The following ARHGEF11 variants were observed in gnomAD, a reference collection of about 807,000 sequenced individuals.
ARHGEF11 encodes Rho guanine nucleotide exchange factor 11.
In ARHGEF11, 55 loss-of-function variants were observed where a neutral mutation model predicts 193.7. The ratio of observed to expected loss-of-function variants is 0.28; its 90% CI spans 0.23 to 0.36. ARHGEF11 has a LOEUF of 0.36. Among genes scored for constraint, ARHGEF11 ranks in the 10% least tolerant of loss-of-function variants. The probability of loss-of-function intolerance (pLI) is 1.00; values close to 1 mark genes in which losing one functional copy is unlikely to be tolerated. For missense variants in ARHGEF11, 1,723 were observed against 2,005.6 expected, an observed-to-expected ratio of 0.86 and a Z score of 2.69; for synonymous variants, 693 against 768.0, an observed-to-expected ratio of 0.90 and a Z score of 1.62.
intron 1 of ARHGEF11, among the ~76,000 whole-genome samples, chr1:157,034,798 A>G (rs1671709760): frequency 6.6e-6 from 1 of 152,262 alleles, no homozygotes; most frequent in African/African-American, 2.4e-5. Context: ...ATATTCTGCT[A>G]GAACTTTTAC....
chr1:156,939,536 C>A lies in ARHGEF11; in HGVS notation c.4096+12G>T. 1 of 1,608,558 alleles carries A rather than the reference C, an allele frequency of 6.2e-7. No individual in the cohort carries two copies. Among genetic ancestry groups the A allele is most frequent in the South Asian group, 1.1e-5 (1 of 91,070 alleles). On this transcript the variant is annotated intron_variant, in intron 37 of 40. Coordinates refer to ENST00000368194, the MANE Select transcript of ARHGEF11 (RefSeq NM_198236.3). ...TGCTTGTCTCCCCACTGGACACTCC[C>A]ATTTATTTTACCTTTTCTCACAACT... is the stretch of plus-strand genomic sequence containing the variant.
chr1:157,017,974 A>G (rs1481740650), intron 1 of ARHGEF11, among the ~76,000 whole-genome samples: 1 of 152,180 alleles, frequency 6.6e-6, no homozygotes, highest in Non-Finnish European at 1.5e-5. Context: ...AAGCTATGAG[A>G]GAATAGGTAA....
At chr1:157,031,511 T>C (rs1019739974) in intron 1 of ARHGEF11, among the ~76,000 whole-genome samples, 7 of 152,214 alleles carry the variant, frequency 4.6e-5, no homozygotes, top group African/African-American at 1.7e-4. Context: ...GGCCATGTCA[T>C]GTACCTACCA....
chr1:156,939,403 G>A (rs749804505), intron 37 of ARHGEF11, 145 bp downstream of exon 37: 70 of 1,116,270 alleles, frequency 6.3e-5, no homozygotes, highest in Non-Finnish European at 8.4e-5. Flanking sequence ...TGATATCGGC[G>A]TTGTCTCCTT....
intron 1 of ARHGEF11, among the ~76,000 whole-genome samples, chr1:157,039,134 T>G (rs1027191419): frequency 2.6e-5 from 4 of 152,236 alleles, no homozygotes; most frequent in African/African-American, 9.6e-5. Flanking sequence ...TTCTCTCCCA[T>G]TTGATCAGGC....
At chr1:156,976,058 G>C (rs1041809764) in intron 7 of ARHGEF11, among the ~76,000 whole-genome samples, 4 of 152,100 alleles carry the variant, frequency 2.6e-5, no homozygotes, top group African/African-American at 9.7e-5. Flanking sequence ...ACTCATTAAA[G>C]GAGAGGTTTA....
chr1:157,022,495 A>C (rs543548831), intron 1 of ARHGEF11, among the ~76,000 whole-genome samples: 16 of 152,372 alleles, frequency 1.1e-4, no homozygotes, highest in African/African-American at 3.8e-4. Context: ...GTACACTGAA[A>C]ACTAAAAACC....
rs1557838551 is a variant in ARHGEF11 at position 156,947,798 on chromosome 1, C to T, written c.2312G>A (p.Arg771Gln). The T allele has an allele frequency of 2.5e-6, 4 of 1,613,606 alleles. No individual in the cohort carries two copies. Among genetic ancestry groups the T allele is most frequent in the Admixed American group, 1.7e-5 (1 of 60,004 alleles). ...GKDVVAGLTQREIDRQEVINE... is the reference protein window; with the variant it reads ...GKDVVAGLTQQEIDRQEVINE... ...GATGACCTCTTGCCGGTCAATCTCC[C>T]GCTGGGTTAGCCCAGCCACCACATC... is the stretch of plus-strand genomic sequence containing the variant. The change falls in exon 25 of 41, where the codon CGG (arginine) becomes CAG (glutamine). Residue 771 changes from arginine to glutamine, a missense_variant. Around this residue, in one of 5 missense-constraint regions of ARHGEF11, gnomAD observed 491 missense variants for 654.5 expected, o/e 0.75. Transcript: ENST00000368194.
chr1:156,945,214 A>G lies in ARHGEF11; in HGVS notation c.2813-17T>C, dbSNP rs747331360. ...AGGTGCCACCTACCAAAATGGACAG[A>G]AGAGATGGTTGGGGCTCCTGCCTGA... is the stretch of plus-strand genomic sequence containing the variant. On this transcript the variant is annotated splice_polypyrimidine_tract_variant and intron_variant, in intron 29 of 40. Coordinates refer to ENST00000368194, the MANE Select transcript of ARHGEF11 (RefSeq NM_198236.3). 1.2e-6 allele frequency: 2 copies of G among 1,609,566 alleles called. No homozygotes were observed. The highest frequency in any genetic ancestry group is 1.7e-6 in the Non-Finnish European group (2 of 1,177,314).
chr1:156,993,194 T>A (rs1386931637), intron 1 of ARHGEF11, among the ~76,000 whole-genome samples: 1 of 152,174 alleles, frequency 6.6e-6, no homozygotes, highest in Non-Finnish European at 1.5e-5. Context: ...AAGATGTGCA[T>A]AGAGTTGGTG....
chr1:157,032,261 C>G (rs1392297836), intron 1 of ARHGEF11, among the ~76,000 whole-genome samples: 4 of 152,166 alleles, frequency 2.6e-5, no homozygotes, highest in Admixed American at 1.3e-4. Context: ...AGGTATTCAC[C>G]AGCCACCGAA....
chr1:157,038,059 T>C (rs1263833534), intron 1 of ARHGEF11, among the ~76,000 whole-genome samples: 2 of 105,040 alleles, frequency 1.9e-5, no homozygotes. Context: ...AAAAAAAGAA[T>C]GTAAGCTCTA....
intron 34 of ARHGEF11, 142 bp downstream of exon 34, chr1:156,941,722 G>A: frequency 7.8e-7 from 1 of 1,288,036 alleles, no homozygotes; most frequent in Non-Finnish European, 1.1e-6. Context: ...TCCTCCATCT[G>A]CCAGCACTTG....
rs2101747666 is a variant in ARHGEF11 at position 156,937,377 on chromosome 1, G to A, written c.4312C>T (p.Pro1438Ser). Residue 1438 changes from proline to serine, a missense_variant, in exon 39 of 41, where the codon CCT becomes TCT. Transcript: ENST00000368194. ...TCATCGTTGCCTCCCTGCAGCTGAGGCTGAGGCTCTGTCTGCCCTGCAGGG... is the reference window on the plus strand; with the variant it reads ...TCATCGTTGCCTCCCTGCAGCTGAGACTGAGGCTCTGTCTGCCCTGCAGGG... ...SLPAGQTEPQ[P>S]QLQGGNDDPR... The A allele has an allele frequency of 1.2e-6, 2 of 1,609,452 alleles. No homozygotes were observed. Among genetic ancestry groups the A allele is most frequent in the East Asian group, 2.2e-5 (1 of 44,866 alleles).
chr1:157,046,650 A>G (rs944208198), upstream of ARHGEF11, among the ~76,000 whole-genome samples: 1 of 152,242 alleles, frequency 6.6e-6, no homozygotes, highest in Non-Finnish European at 1.5e-5. Flanking sequence ...TTTGAACTCT[A>G]TGGAAGAGCC....
In ARHGEF11 at chr1:156,938,427, T is replaced by C; in HGVS notation, c.4183A>G (p.Lys1395Glu). 1 of 1,613,722 alleles carries C rather than the reference T, an allele frequency of 6.2e-7. No homozygotes were observed. Among genetic ancestry groups the C allele is most frequent in the Non-Finnish European group, 8.5e-7 (1 of 1,179,738 alleles). Residue 1395 changes from lysine to glutamate, a missense_variant, in exon 38 of 41, where the codon AAG (lysine) becomes GAG (glutamate). Physicochemically the swap from Lys to Glu is moderately conservative, Grantham distance 56. Around this residue, in one of 5 missense-constraint regions of ARHGEF11, gnomAD observed 360 missense variants for 344.4 expected, o/e 1.05. Transcript: ENST00000368194. The part of the protein sequence containing the change: ...PGPPEVEGGT[K>E]ATGNCFYVSM... ...AGGAGAAAGTTATTACCCGTAGCCT[T>C]TGTTCCGCCTTCCACTTCAGGTGGC...
In ARHGEF11 at chr1:156,948,713, C is replaced by T; in HGVS notation, c.1926-215G>A. On this transcript the variant is annotated intron_variant, in intron 22 of 40. Transcript: ENST00000368194. This position sits in a 1 kb window ranked among gnomAD's most constrained non-coding sequence, Gnocchi z 4.2. ...AACTCCTCCTCTCTCCCCAGCCTAG[C>T]CTGATGGATGGACAGTCATCTTCCT... is the stretch of plus-strand genomic sequence containing the variant. 6.6e-7 allele frequency: 1 copy of T among 1,511,538 alleles called. No individual in the cohort carries two copies. Among genetic ancestry groups the T allele is most frequent in the Non-Finnish European group, 8.8e-7 (1 of 1,132,844 alleles). 93.6% of individuals were successfully genotyped at this position (1,511,538 alleles called of 1,614,324 possible).
chr1:156,963,341 G>T, intron 12 of ARHGEF11, 37 bp from the exon 13 acceptor site: 1 of 1,569,612 alleles, frequency 6.4e-7, no homozygotes. Flanking sequence ...GGGAAGCCGG[G>T]CACAGCAGCA....
intron 1 of ARHGEF11, among the ~76,000 whole-genome samples, chr1:157,040,284 C>T (rs1672572495): frequency 6.6e-6 from 1 of 152,166 alleles, no homozygotes; most frequent in African/African-American, 2.4e-5. Context: ...TTCTGGGAGG[C>T]CAACCTTCTA....
Sources: allele counts gnomAD v4.1 joint callset (sites outside exome capture counted in the v4.1 genomes callset), GRCh38; gene constraint gnomAD v4.1.1; regional missense constraint gnomAD v4.1.1; non-coding constraint Gnocchi (gnomAD v3.1); transcripts MANE v1.5; gene names NCBI Gene and HGNC (gene_info 2026-07-23, HGNC 2026-07-21).